ADAMTS2: variants seen among roughly 807,000 people sequenced by gnomAD.
The protein encoded by ADAMTS2 is A disintegrin and metalloproteinase with thrombospondin motifs 2.
A neutral mutation model predicts 123.0 loss-of-function variants in ADAMTS2; 50 were observed. The observed-to-expected ratio is 0.41, with a 90% CI of 0.32 to 0.51. The LOEUF (loss-of-function observed/expected upper bound fraction) is 0.51, where lower values mean the gene tolerates loss of function less well. Ranked by LOEUF, ADAMTS2 falls within the 20% of genes least tolerant of loss-of-function variation. The pLI is 0.35. For synonymous variants in ADAMTS2, 678 were observed against 695.4 expected, an observed-to-expected ratio of 0.98 and a Z score of 0.39; for missense variants, 1,494 against 1,705.2, an observed-to-expected ratio of 0.88 and a Z score of 2.18.
intron 5 of ADAMTS2, among the ~76,000 whole-genome samples, chr5:179,160,229 C>T (rs983750601): frequency 6.6e-6 from 1 of 152,158 alleles, no homozygotes. Flanking sequence ...GAGGCTGAGG[C>T]AGGTGGATCA....
intron 3 of ADAMTS2, among the ~76,000 whole-genome samples, chr5:179,233,480 G>C (rs182074311): frequency 7.4e-4 from 113 of 152,354 alleles, no homozygotes; most frequent in African/African-American, 2.6e-3. Flanking sequence ...GAGGTCAGGA[G>C]TTCAAGACCA....
intron 3 of ADAMTS2, among the ~76,000 whole-genome samples, chr5:179,224,409 C>T (rs921339595): frequency 3.3e-5 from 5 of 152,338 alleles, no homozygotes; most frequent in Admixed American, 6.5e-5. Context: ...GCGTGTTTCC[C>T]GATGCCCCAT....
intron 4 of ADAMTS2, among the ~76,000 whole-genome samples, chr5:179,205,211 C>T (rs541644464): frequency 1.3e-5 from 2 of 152,326 alleles, no homozygotes; most frequent in East Asian, 3.9e-4. Context: ...GGTTGATCTG[C>T]CTCTGCCAGC....
chr5:179,343,531 G>A lies in ADAMTS2; in HGVS notation c.534+236C>T, dbSNP rs1249645857. Among the ~76,000 whole-genome samples, 10 of 152,250 alleles carry A rather than the reference G, an allele frequency of 6.6e-5. No individual in the cohort carries two copies. The East Asian group carries it at 1.9e-3, about 29-fold the overall frequency. On this transcript the variant is annotated intron_variant, in intron 2 of 21. Coordinates refer to ENST00000251582, the MANE Select transcript of ADAMTS2 (RefSeq NM_014244.5). ...AGAGGCGCACGCTCCTGCCTGCTGA[G>A]CCTTTTGGAGACCCGGGCGCTCCCC...
intron 5 of ADAMTS2, among the ~76,000 whole-genome samples, chr5:179,172,871 T>C (rs976310079): frequency 6.6e-6 from 1 of 152,172 alleles, no homozygotes; most frequent in African/African-American, 2.4e-5. Flanking sequence ...TTAAAAAATT[T>C]AAATTTCACA....
At chr5:179,261,726 G>C (rs957098206) in intron 3 of ADAMTS2, among the ~76,000 whole-genome samples, 1 of 152,188 alleles carries the variant, frequency 6.6e-6, no homozygotes, top group Non-Finnish European at 1.5e-5. Flanking sequence ...AAGGCCTAGA[G>C]GCAGCCACAC....
rs534477533 is a variant in ADAMTS2 at position 179,234,194 on chromosome 5, C to G, written c.689-26479G>C. 2.0e-5 allele frequency among the ~76,000 whole-genome samples: 3 copies of G among 152,298 alleles called. No individual in the cohort carries two copies. Among genetic ancestry groups the G allele is most frequent in the African/African-American group, 7.2e-5 (3 of 41,578 alleles). ...CTCCTGCCACAGGCGCCCTCCCCAT[C>G]AGATGCCAGAGATATCACCAGCCCT... is the stretch of plus-strand genomic sequence containing the variant. On this transcript the variant is annotated intron_variant, in intron 3 of 21. Transcript: ENST00000251582. This position sits in a 1 kb window ranked among gnomAD's most constrained non-coding sequence, Gnocchi z 4.7.
In ADAMTS2 at chr5:179,309,251, G is replaced by A. The variant is rs112361927; in HGVS notation, c.534+34516C>T. On this transcript the variant is annotated intron_variant, in intron 2 of 21. Coordinates refer to ENST00000251582, the MANE Select transcript of ADAMTS2 (RefSeq NM_014244.5). ...CCACTGGGGCAGACCCAGTCCCACT[G>A]CTTCTGCCTTCAGTGGCCACAGGCC... is the stretch of plus-strand genomic sequence containing the variant. Among the ~76,000 whole-genome samples the A allele has an allele frequency of 6.9e-3, 1,053 of 152,362 alleles. 15 individuals carry two copies. The highest frequency in any genetic ancestry group is 0.02 in the Middle Eastern group (6 of 294).
chr5:179,207,475 T>TTCCC, intron 4 of ADAMTS2, 38 bp downstream of exon 4: 4 of 588,614 alleles, frequency 6.8e-6, no homozygotes, highest in Non-Finnish European at 3.2e-6. Flanking sequence ...TGGTTGACCC[T>TTCCC]CCCCGCCCCA....
intron 2 of ADAMTS2, among the ~76,000 whole-genome samples, chr5:179,337,751 C>T (rs950584724): frequency 6.6e-6 from 1 of 152,244 alleles, no homozygotes; most frequent in Non-Finnish European, 1.5e-5. Flanking sequence ...AAGCCAGCCT[C>T]GCTGCTGAGC....
At chr5:179,321,803 C>A (rs1757188376) in intron 2 of ADAMTS2, among the ~76,000 whole-genome samples, 1 of 152,166 alleles carries the variant, frequency 6.6e-6, no homozygotes, top group Non-Finnish European at 1.5e-5. Flanking sequence ...TTCCTCTCTA[C>A]CACCCATCTG....
rs1762689984 is a variant in ADAMTS2, at chr5:179,117,871, A to T, written c.3179-3547T>A. On this transcript the variant is annotated intron_variant, in intron 21 of 21. Coordinates refer to ENST00000251582, the MANE Select transcript of ADAMTS2 (RefSeq NM_014244.5). The surrounding 1 kb of genome is among the most constrained non-coding windows in gnomAD (Gnocchi z 4.2). Reference sequence around the variant, plus strand: ...TTATCTGTGGCTGCTTTCCCACTATAAAGGCAGAGCTGAGTCCTGTGACAG... The same window carrying T: ...TTATCTGTGGCTGCTTTCCCACTATTAAGGCAGAGCTGAGTCCTGTGACAG... 6.6e-6 allele frequency among the ~76,000 whole-genome samples: 1 copy of T among 152,184 alleles called. No homozygotes were observed. Among genetic ancestry groups the T allele is most frequent in the East Asian group, 1.9e-4 (1 of 5,188 alleles).
In ADAMTS2 at chr5:179,307,200, C is replaced by A. The variant is rs901579279; in HGVS notation, c.535-34136G>T. On this transcript the variant is annotated intron_variant, in intron 2 of 21. Coordinates refer to ENST00000251582, the MANE Select transcript of ADAMTS2 (RefSeq NM_014244.5). This position sits in a 1 kb window ranked among gnomAD's most constrained non-coding sequence, Gnocchi z 5.6. ...CACTGCAGAGCTGCCCCGGCCCACG[C>A]GCCCCTGCCCTGCTGTGCTCCGCCA... 6.6e-6 allele frequency among the ~76,000 whole-genome samples: 1 copy of A among 152,212 alleles called. No individual in the cohort carries two copies. The highest frequency in any genetic ancestry group is 1.9e-4 in the East Asian group (1 of 5,186).
chr5:179,334,718 A>C (rs1482656832), intron 2 of ADAMTS2, among the ~76,000 whole-genome samples: 1 of 152,232 alleles, frequency 6.6e-6, no homozygotes, highest in East Asian at 1.9e-4. Context: ...CCACAAAGAT[A>C]TATTAGAATT....
chr5:179,299,441 A>ATCACT (rs1756443457), intron 2 of ADAMTS2, among the ~76,000 whole-genome samples: 1 of 130,684 alleles, frequency 7.7e-6, no homozygotes, highest in African/African-American at 2.9e-5. Context: ...AGGCAGGAGA[A>ATCACT]TGGTGTGAAC....
At position 179,307,221 on chromosome 5, in the gene ADAMTS2, C is replaced by T. The variant is rs1037588867; in HGVS notation, c.535-34157G>A. Among the ~76,000 whole-genome samples, 2 of 152,138 alleles carry T rather than the reference C, an allele frequency of 1.3e-5. No homozygotes were observed. Among genetic ancestry groups the T allele is most frequent in the African/African-American group, 2.4e-5 (1 of 41,436 alleles). ...CACGCGCCCCTGCCCTGCTGTGCTCCGCCATCTGCCCCAGCAGTGCTGTGA... is the reference window on the plus strand; with the variant it reads ...CACGCGCCCCTGCCCTGCTGTGCTCTGCCATCTGCCCCAGCAGTGCTGTGA... On this transcript the variant is annotated intron_variant, in intron 2 of 21. Transcript: ENST00000251582. The surrounding 1 kb of genome is among the most constrained non-coding windows in gnomAD (Gnocchi z 5.6).
chr5:179,157,437 C>A (rs1763495403), intron 6 of ADAMTS2, among the ~76,000 whole-genome samples: 1 of 152,184 alleles, frequency 6.6e-6, no homozygotes, highest in Non-Finnish European at 1.5e-5. Flanking sequence ...CACTCCTCAC[C>A]CAGACATGGT....
At chr5:179,120,217 A>G (rs1261675147) in intron 21 of ADAMTS2, 2 of 152,178 alleles carry the variant, frequency 1.3e-5, no homozygotes, top group Non-Finnish European at 2.9e-5. Context: ...GGGATGCATG[A>G]CAGGAGGTCT....
intron 5 of ADAMTS2, among the ~76,000 whole-genome samples, chr5:179,161,112 A>C (rs1004622705): frequency 6.6e-6 from 1 of 152,152 alleles, no homozygotes; most frequent in Non-Finnish European, 1.5e-5. Flanking sequence ...ACCTACTATA[A>C]TTGATACAGG....
Sources: gnomAD v4.1 joint callset for allele counts (sites outside exome capture counted in the v4.1 genomes callset) on GRCh38, gnomAD v4.1.1 for gene constraint, Gnocchi (gnomAD v3.1) non-coding constraint, MANE v1.5 for transcripts, NCBI Gene and HGNC (gene_info 2026-07-23, HGNC 2026-07-21) for gene names.